Variants in RGSL1 observed in about 807,000 individuals in gnomAD.
The protein encoded by RGSL1 is regulator of G protein signaling like 1, also known as regulator of G protein signaling protein-like.
RGSL1 carries 97 observed loss-of-function variants against 124.7 expected under a neutral mutation model. The ratio of observed to expected loss-of-function variants is 0.78; its 90% CI spans 0.66 to 0.92. The LOEUF is 0.92. Ranked by LOEUF, RGSL1 falls within the 40% of genes least tolerant of loss-of-function variation. The probability of loss-of-function intolerance (pLI) is 0.00; values close to 1 mark genes in which losing one functional copy is unlikely to be tolerated. For missense variants in RGSL1, 1,233 were observed against 1,288.4 expected, an observed-to-expected ratio of 0.96 and a Z score of 0.66; for synonymous variants, 424 against 438.1, an observed-to-expected ratio of 0.97 and a Z score of 0.40.
chr1:182,542,277 A>G (rs1353778658), intron 15 of RGSL1, among the ~76,000 whole-genome samples: 3 of 152,180 alleles, frequency 2.0e-5, no homozygotes, highest in Non-Finnish European at 4.4e-5. Context: ...ATTCTGCTGC[A>G]TATGGACATT....
At position 182,527,648 on chromosome 1, in the gene RGSL1, G is replaced by T. The variant is rs1330225151; in HGVS notation, c.2001G>T (p.Lys667Asn). 5 of 1,551,594 alleles carry T rather than the reference G, an allele frequency of 3.2e-6. No individual in the cohort carries two copies. Among genetic ancestry groups the T allele is most frequent in the African/African-American group, 1.4e-5 (1 of 73,028 alleles). Residue 667 changes from lysine to asparagine, a missense_variant, in exon 11 of 22, where the codon AAG becomes AAT. Physicochemically the swap from Lys to Asn is moderately conservative, Grantham distance 94 (BLOSUM62 0). Coordinates refer to ENST00000294854, the MANE Select transcript of RGSL1 (RefSeq NM_001137669.2). ...EFFREFLKER[K>N]AKIPLQFLTA... ...TCAGGGAGTTCCTCAAGGAACGGAA[G>T]GCTAAAATCCCATTGCAATTTCTCA...
At chr1:182,522,381 T>G (rs1658414673) in intron 10 of RGSL1, among the ~76,000 whole-genome samples, 1 of 152,232 alleles carries the variant, frequency 6.6e-6, no homozygotes, top group East Asian at 1.9e-4. Flanking sequence ...CCTCCTTCCA[T>G]GAGTGTAGTA....
chr1:182,521,990 G>A lies in RGSL1; in HGVS notation c.1826-14G>A, dbSNP rs1162846656. 6.1e-6 allele frequency: 9 copies of A among 1,465,366 alleles called. No individual in the cohort carries two copies. Among genetic ancestry groups the A allele is most frequent in the Non-Finnish European group, 8.3e-6 (9 of 1,079,282 alleles). 90.8% of individuals were successfully genotyped at this position (1,465,366 alleles called of 1,614,324 possible). ...ATAATATAGTGTTCTCCAACTTAGT[G>A]ATTTTTTTTTTAGATTTTAAAATGG... On this transcript the variant is annotated splice_polypyrimidine_tract_variant and intron_variant, in intron 9 of 21. Transcript: ENST00000294854.
In RGSL1 at chr1:182,551,017, C is replaced by T. The variant is rs944388658; in HGVS notation, c.2934-83C>T. 6 of 875,634 alleles carry T rather than the reference C, an allele frequency of 6.9e-6. No homozygotes were observed. In the East Asian group the frequency reaches 7.9e-5, roughly 12 times the overall value. The allele number at this position is 875,634 out of a possible 1,614,324, so 54.2% of individuals were successfully genotyped here. Reference sequence around the variant, plus strand: ...CACCCACATTCTCTGAGGACTGGCCCGGCCCTGTTTCCCCTGTGCTCGGTG... The same window carrying T: ...CACCCACATTCTCTGAGGACTGGCCTGGCCCTGTTTCCCCTGTGCTCGGTG... On this transcript the variant is annotated intron_variant, in intron 17 of 21. Transcript: ENST00000294854.
chr1:182,513,008 G>A (rs1657574083), intron 9 of RGSL1, among the ~76,000 whole-genome samples: 1 of 152,196 alleles, frequency 6.6e-6, no homozygotes, highest in African/African-American at 2.4e-5. Flanking sequence ...AGGACGGGGT[G>A]GGGCATGGCA....
At chr1:182,540,159 T>C in intron 14 of RGSL1, 88 bp from the exon 15 acceptor site, 2 of 1,274,276 alleles carry the variant, frequency 1.6e-6, no homozygotes, top group Non-Finnish European at 2.1e-6. Context: ...GGATCCACAG[T>C]CTCCTTTCTT....
At chr1:182,489,446 C>T (rs1212394127) in intron 8 of RGSL1, among the ~76,000 whole-genome samples, 2 of 152,074 alleles carry the variant, frequency 1.3e-5, no homozygotes, top group African/African-American at 4.8e-5. Flanking sequence ...TGTAGAGCTC[C>T]CTGCTGGATC....
chr1:182,473,416 C>T (rs1490538875), intron 5 of RGSL1, among the ~76,000 whole-genome samples, 159 bp from the exon 6 acceptor site: 3 of 152,008 alleles, frequency 2.0e-5, no homozygotes, highest in African/African-American at 7.3e-5. Flanking sequence ...AAAAATGTGT[C>T]GACTCTATAT....
intron 14 of RGSL1, among the ~76,000 whole-genome samples, chr1:182,534,357 T>C (rs182852582): frequency 6.6e-6 from 1 of 152,330 alleles, no homozygotes; most frequent in Non-Finnish European, 1.5e-5. Flanking sequence ...TCTATTCTTA[T>C]TTATACTTCT....
chr1:182,476,766 C>A (rs993831544), intron 6 of RGSL1, among the ~76,000 whole-genome samples: 1 of 152,202 alleles, frequency 6.6e-6, no homozygotes, highest in African/African-American at 2.4e-5. Flanking sequence ...TGCCACCTCT[C>A]CTCTCTGGCT....
chr1:182,453,407 C>CT (rs1652008700), intron 1 of RGSL1: 2 of 152,684 alleles, frequency 1.3e-5, no homozygotes, highest in Admixed American at 1.3e-4. Context: ...GCAACCTAGG[C>CT]AAGGGTTCTC....
Position 182,491,364 on chromosome 1 carries a change from C to T in RGSL1, c.1718-1658C>T, listed in dbSNP as rs1457267028. Among the ~76,000 whole-genome samples, 10 of 151,972 alleles carry T rather than the reference C, an allele frequency of 6.6e-5. 1 individual carries two copies. Among genetic ancestry groups the T allele is most frequent in the Admixed American group, 3.9e-4 (6 of 15,254 alleles). On this transcript the variant is annotated intron_variant, in intron 8 of 21. Transcript: ENST00000294854. The stretch of plus-strand genomic sequence containing the variant: ...CAGAGTAGCTGGGATTACAGGCACC[C>T]GCCACCATGCCCTGCTAATTTTTGT...
intron 9 of RGSL1, among the ~76,000 whole-genome samples, chr1:182,509,883 G>C (rs1384711249): frequency 1.4e-5 from 2 of 142,290 alleles, no homozygotes; most frequent in South Asian, 2.3e-4. Context: ...CTTCCCAGAT[G>C]GGGTGGCTGC....
At chr1:182,465,294 AT>A (rs1219461030) in intron 4 of RGSL1, among the ~76,000 whole-genome samples, 1 of 152,142 alleles carries the variant, frequency 6.6e-6, no homozygotes, top group Non-Finnish European at 1.5e-5. Context: ...ATAAAAAAGG[AT>A]GAGTTCATGT....
chr1:182,473,114 G>A (rs989534148), intron 5 of RGSL1, among the ~76,000 whole-genome samples: 5 of 152,118 alleles, frequency 3.3e-5, no homozygotes, highest in Admixed American at 3.3e-4. Flanking sequence ...AAATACAAAT[G>A]TGCTCCAAAA....
chr1:182,498,995 G>T (rs1656150045), intron 9 of RGSL1, among the ~76,000 whole-genome samples: 2 of 152,126 alleles, frequency 1.3e-5, no homozygotes, highest in African/African-American at 4.8e-5. Context: ...GTTTCACAAT[G>T]TTGGCCAGGC....
At chr1:182,497,295 G>C (rs1655995055) in intron 9 of RGSL1, among the ~76,000 whole-genome samples, 1 of 148,294 alleles carries the variant, frequency 6.7e-6, no homozygotes, top group Non-Finnish European at 1.5e-5. Context: ...GTGTGTGTGT[G>C]TCTGTGTATC....
intron 9 of RGSL1, among the ~76,000 whole-genome samples, chr1:182,502,127 G>T (rs772329462): frequency 1.9e-4 from 28 of 151,100 alleles, no homozygotes; most frequent in Admixed American, 5.9e-4. Flanking sequence ...TTTTTTTCTC[G>T]ATAAGTCTAG....
intron 10 of RGSL1, among the ~76,000 whole-genome samples, chr1:182,527,003 T>C (rs980722573): frequency 3.9e-5 from 6 of 152,190 alleles, no homozygotes; most frequent in Non-Finnish European, 8.8e-5. Flanking sequence ...AGTTGAAATG[T>C]AGAAGTGGAG....
Sources: gnomAD v4.1 joint callset for allele counts (sites outside exome capture counted in the v4.1 genomes callset) on GRCh38, gnomAD v4.1.1 for gene constraint, MANE v1.5 for transcripts, NCBI Gene and HGNC (gene_info 2026-07-23, HGNC 2026-07-21) for gene names.